The following TET2 variants were observed in gnomAD, a reference collection of about 807,000 sequenced individuals.
TET2 encodes the protein tet methylcytosine dioxygenase 2, also known as methylcytosine dioxygenase TET2.
TET2 carries 299 observed loss-of-function variants against 142.9 expected under a neutral mutation model. The observed-to-expected ratio is 2.09, with a 90% CI of 1.90 to 2.30. The LOEUF (loss-of-function observed/expected upper bound fraction) is 2.30. TET2 is among the 30% of genes most tolerant of loss of function. TET2 has a pLI of 0.00. For synonymous variants in TET2, 819 were observed against 849.0 expected (o/e 0.96, Z 0.61); for missense variants, 2,418 against 2,378.0 (o/e 1.02, Z -0.35).
At chr4:105,176,428 G>A (rs1005537897) in intron 1 of TET2, among the ~76,000 whole-genome samples, 1 of 152,102 alleles carries the variant, frequency 6.6e-6, no homozygotes, top group Non-Finnish European at 1.5e-5. Flanking sequence ...ACTAATAAAT[G>A]ATTATTGTAA....
intron 1 of TET2, among the ~76,000 whole-genome samples, chr4:105,182,316 A>T (rs773521964): frequency 6.6e-6 from 1 of 152,108 alleles, no homozygotes; most frequent in African/African-American, 2.4e-5. Flanking sequence ...CTCCTTCCCC[A>T]TTACTCCCTG....
intron 9 of TET2, 45 bp downstream of exon 9, chr4:105,269,792 C>G (rs970646272): frequency 6.5e-7 from 1 of 1,542,404 alleles, no homozygotes; most frequent in African/African-American, 1.4e-5. Flanking sequence ...AGTCTGTTCT[C>G]ACACTGCTAA....
chr4:105,236,058 C>T lies in TET2; in HGVS notation c.2116C>T (p.Gln706Ter), dbSNP rs1203759257. The change falls in exon 3 of 11, where the codon CAG (glutamine) becomes TAG (stop). Residue 706 changes from glutamine (Q) to a stop codon, truncating the protein, a stop_gained. Transcript: ENST00000380013. LOFTEE classifies it high-confidence loss of function. ...AGTGTTGAAACAGCACTTGAATCAA[C>T]AGGCTTCAGAGACTGAGCCATTTTC... The part of the protein sequence containing the change: ...SPVLKQHLNQ[Q>*]ASETEPFSNS... 3.1e-6 allele frequency: 5 copies of T among 1,614,024 alleles called. No individual in the cohort carries two copies. Among genetic ancestry groups the T allele is most frequent in the African/African-American group, 1.3e-5 (1 of 74,924 alleles).
rs776598022 is a variant in TET2 at position 105,276,143 on chromosome 4, G to A, written c.5633G>A (p.Arg1878His). 4.5e-6 allele frequency: 7 copies of A among 1,551,454 alleles called. No individual in the cohort carries two copies. Among genetic ancestry groups the A allele is most frequent in the East Asian group, 2.4e-5 (1 of 40,936 alleles). ...TCAATTCTCATTGAGTGTGCAAAGCGTGAGCTGCATGCCACAACCCCTTTA... is the reference window on the plus strand; with the variant it reads ...TCAATTCTCATTGAGTGTGCAAAGCATGAGCTGCATGCCACAACCCCTTTA... ...HGSILIECAKRELHATTPLKN... is the reference protein window; with the variant it reads ...HGSILIECAKHELHATTPLKN... The change falls in exon 11 of 11, where the codon CGT becomes CAT. Residue 1878 changes from arginine to histidine, a missense_variant. Transcript: ENST00000380013.
chr4:105,234,375 A>G lies in TET2; in HGVS notation c.433A>G (p.Ser145Gly), dbSNP rs1334064889. The change falls in exon 3 of 11, where the codon AGT becomes GGT. Residue 145 changes from serine (S) to glycine (G), a missense_variant. Transcript: ENST00000380013. The stretch of plus-strand genomic sequence containing the variant: ...CAGTCAACCAAATGTCTCCGATTTG[A>G]GTGATAAGAAAGAATCTGTGAGTTC... ...ESSQPNVSDLSDKKESVSSVA... is the reference protein window; with the variant it reads ...ESSQPNVSDLGDKKESVSSVA... 1 of 1,613,934 alleles carries G rather than the reference A, an allele frequency of 6.2e-7. No homozygotes were observed. Among genetic ancestry groups the G allele is most frequent in the Non-Finnish European group, 8.5e-7 (1 of 1,180,020 alleles).
At chr4:105,227,890 GA>G (rs1291431852) in intron 2 of TET2, among the ~76,000 whole-genome samples, 1 of 152,052 alleles carries the variant, frequency 6.6e-6, no homozygotes, top group Non-Finnish European at 1.5e-5. Context: ...CATCTTTGAA[GA>G]TTTTTTTATC....
chr4:105,176,291 T>C (rs979347391), intron 1 of TET2, among the ~76,000 whole-genome samples: 1 of 152,076 alleles, frequency 6.6e-6, no homozygotes, highest in African/African-American at 2.4e-5. Context: ...TGCTACCTAA[T>C]GCAATAAGAC....
At chr4:105,180,125 G>C (rs1245697296) in intron 1 of TET2, among the ~76,000 whole-genome samples, 2 of 152,134 alleles carry the variant, frequency 1.3e-5, no homozygotes, top group African/African-American at 4.8e-5. Context: ...GGAATTAGAT[G>C]TTCCAGCCTT....
At chr4:105,161,148 C>T (rs1723838097) in intron 1 of TET2, among the ~76,000 whole-genome samples, 1 of 152,100 alleles carries the variant, frequency 6.6e-6, no homozygotes, top group African/African-American at 2.4e-5. Context: ...TATAGAAACT[C>T]AGGTTTTAGC....
intron 1 of TET2, among the ~76,000 whole-genome samples, chr4:105,181,673 T>C (rs1018427613): frequency 3.9e-5 from 6 of 152,250 alleles, no homozygotes. Flanking sequence ...CATTATGATA[T>C]GCTTATTCAT....
rs752113208 is a variant in TET2 at position 105,236,996 on chromosome 4, T to G, written c.3054T>G (p.Asn1018Lys). 1 of 1,614,130 alleles carries G rather than the reference T, an allele frequency of 6.2e-7. No homozygotes were observed. The highest frequency in any genetic ancestry group is 2.2e-5 in the East Asian group (1 of 44,854). ...AGAATCCACCTGCAAGCTGTGATAATGTGCAGCAAAAGAGCATCATTGAGA... is the reference window on the plus strand; with the variant it reads ...AGAATCCACCTGCAAGCTGTGATAAGGTGCAGCAAAAGAGCATCATTGAGA... ...KQENPPASCD[N>K]VQQKSIIETM... Residue 1018 changes from asparagine (N) to lysine (K), a missense_variant, in exon 3 of 11, where the codon AAT (asparagine) becomes AAG (lysine). Asn to Lys is a moderately conservative substitution (Grantham distance 94). Transcript: ENST00000380013.
intron 2 of TET2, among the ~76,000 whole-genome samples, chr4:105,227,120 G>A (rs770290864): frequency 1.3e-5 from 2 of 152,146 alleles, no homozygotes; most frequent in African/African-American, 2.4e-5. Flanking sequence ...ATAACATGAT[G>A]CCAGCTATAA....
chr4:105,190,232 T>C (rs1309004809), intron 1 of TET2, 128 bp from the exon 2 acceptor site: 37 of 458,154 alleles, frequency 8.1e-5, no homozygotes, highest in Non-Finnish European at 1.3e-4. Context: ...TCTAAGTTTT[T>C]TAACAGCCAC....
In TET2 at chr4:105,275,590, T is replaced by C. The variant is rs1236683915; in HGVS notation, c.5080T>C (p.Leu1694=). 1.3e-6 allele frequency: 2 copies of C among 1,551,720 alleles called. No individual in the cohort carries two copies. The highest frequency in any genetic ancestry group is 8.7e-7 in the Non-Finnish European group (1 of 1,146,986). Residue 1694 remains leucine, a synonymous_variant, in exon 11 of 11, where the codon TTA becomes CTA. Transcript: ENST00000380013. ...TAGCCAGAGTTTTACATCTAAATAC[T>C]TAGGTTATGGAAACCAAAATATGCA... ...GNSQSFTSKY[L]GYGNQNMQGD... is the part of the protein sequence containing the mutation.
In TET2 at chr4:105,243,704, A is replaced by T. The variant is rs751990275; in HGVS notation, c.3729A>T (p.Lys1243Asn). The change falls in exon 6 of 11, where the codon AAA becomes AAT. Residue 1243 changes from lysine (K) to asparagine (N), a missense_variant. Physicochemically the swap from Lys to Asn is moderately conservative, Grantham distance 94. Transcript: ENST00000380013. ...WEGIPLSLADKLYSELTETLR... is the reference protein window; with the variant it reads ...WEGIPLSLADNLYSELTETLR... ...GAATCCCGCTGTCTCTGGCTGACAAACTCTACTCGGAGCTTACCGAGACGC... is the reference window on the plus strand; with the variant it reads ...GAATCCCGCTGTCTCTGGCTGACAATCTCTACTCGGAGCTTACCGAGACGC... 1 of 1,550,654 alleles carries T rather than the reference A, an allele frequency of 6.4e-7. No homozygotes were observed. The highest frequency in any genetic ancestry group is 1.2e-5 in the South Asian group (1 of 83,984).
Position 105,275,376 on chromosome 4 carries a change from G to T in TET2, c.4866G>T (p.Leu1622Phe). Residue 1622 changes from leucine (L) to phenylalanine (F), a missense_variant, in exon 11 of 11, where the codon TTG (leucine) becomes TTT (phenylalanine). By Grantham distance (22) the Leu-to-Phe change is conservative (BLOSUM62 0). Transcript: ENST00000380013. Reference protein sequence around the residue: ...SNPMNPYPGLLNQNTQYPSYQ... With the variant: ...SNPMNPYPGLFNQNTQYPSYQ... ...CCATGAACCCTTACCCTGGGCTTTT[G>T]AATCAGAATACCCAATATCCATCAT... 6.4e-7 allele frequency: 1 copy of T among 1,551,616 alleles called. No homozygotes were observed. The highest frequency in any genetic ancestry group is 1.2e-5 in the South Asian group (1 of 84,054).
intron 1 of TET2, among the ~76,000 whole-genome samples, chr4:105,155,050 G>C (rs1195234013): frequency 1.3e-5 from 2 of 152,008 alleles, no homozygotes; most frequent in African/African-American, 4.8e-5. Flanking sequence ...AAAAATTGCT[G>C]TTCTTGTTTA....
chr4:105,165,543 A>C (rs1230120502), intron 1 of TET2, among the ~76,000 whole-genome samples: 3 of 152,234 alleles, frequency 2.0e-5, no homozygotes, highest in Admixed American at 2.0e-4. Context: ...TTTATGTGTC[A>C]GAAACTGCTT....
chr4:105,234,617 C>T lies in TET2; in HGVS notation c.675C>T (p.Leu225=). The change falls in exon 3 of 11, where the codon CTC becomes CTT. Residue 225 remains leucine (L), a synonymous_variant. Coordinates refer to ENST00000380013, the MANE Select transcript of TET2 (RefSeq NM_001127208.3). The stretch of plus-strand genomic sequence containing the variant: ...CCGTGGAACACACACATGGTGAACT[C>T]CTGGAAAAAACACTGTCTCAATATT... ...ASSVEHTHGE[L]LEKTLSQYYP... 2 of 1,614,012 alleles carry T rather than the reference C, an allele frequency of 1.2e-6. No homozygotes were observed. Among genetic ancestry groups the T allele is most frequent in the Non-Finnish European group, 1.7e-6 (2 of 1,179,966 alleles).
Sources: allele counts gnomAD v4.1 joint callset (sites outside exome capture counted in the v4.1 genomes callset), GRCh38; gene constraint gnomAD v4.1.1; transcripts MANE v1.5; gene names NCBI Gene and HGNC (gene_info 2026-07-23, HGNC 2026-07-21).